Variants in GCN1 observed in about 807,000 individuals in gnomAD.
GCN1 encodes GCN1 activator of EIF2AK4.
In GCN1, 90 loss-of-function variants were observed where a neutral mutation model predicts 288.4. The ratio of observed to expected loss-of-function variants is 0.31; its 90% CI spans 0.26 to 0.37. The LOEUF (loss-of-function observed/expected upper bound fraction) is 0.37. Among genes scored for constraint, GCN1 ranks in the 10% least tolerant of loss-of-function variants. GCN1 has a pLI of 1.00. For synonymous variants in GCN1, 1,386 were observed against 1,420.2 expected (o/e 0.98, Z 0.54); for missense variants, 2,586 against 3,419.9 (o/e 0.76, Z 6.08).
At chr12:120,138,287 G>A (rs201382849) in intron 47 of GCN1, 36 bp downstream of exon 47, 241 of 1,306,196 alleles carry the variant, frequency 1.8e-4, no homozygotes, top group Middle Eastern at 1.8e-4. Flanking sequence ...TCAATGCCCT[G>A]GAGCCAGAGG....
chr12:120,144,634 C>T lies in GCN1; in HGVS notation c.5352+5G>A, dbSNP rs1877304099. ...CTCTACCCTTGCCAAGGTCATGGTA[C>T]CTACTTTGAGGATACAGGGGATGAT... On this transcript the variant is annotated splice_donor_5th_base_variant and intron_variant, in intron 41 of 57. Transcript: ENST00000300648. This position sits in a 1 kb window ranked among gnomAD's most constrained non-coding sequence, Gnocchi z 4.7. The T allele has an allele frequency of 6.2e-7, 1 of 1,612,076 alleles. No homozygotes were observed. The highest frequency in any genetic ancestry group is 8.5e-7 in the Non-Finnish European group (1 of 1,178,264).
chr12:120,170,990 T>C (rs1204576397), intron 14 of GCN1, among the ~76,000 whole-genome samples: 1 of 151,146 alleles, frequency 6.6e-6, no homozygotes, highest in Non-Finnish European at 1.5e-5. Context: ...TGAAACCCTG[T>C]CTTAGCCGGG....
At chr12:120,193,061 A>T (rs1879057912) in intron 1 of GCN1, among the ~76,000 whole-genome samples, 1 of 144,950 alleles carries the variant, frequency 6.9e-6, no homozygotes, top group Admixed American at 6.9e-5. Context: ...AATAATAAAA[A>T]ATAATTTCAG....
At chr12:120,136,822 C>G in intron 50 of GCN1, 90 bp from the exon 51 acceptor site, 7 of 820,146 alleles carry the variant, frequency 8.5e-6, no homozygotes, top group Non-Finnish European at 1.4e-5. Context: ...GACAGCTGTC[C>G]TCCCCTCAAC....
intron 7 of GCN1, 77 bp downstream of exon 7, chr12:120,178,548 T>G: frequency 6.8e-7 from 1 of 1,460,432 alleles, no homozygotes; most frequent in Non-Finnish European, 9.6e-7. Context: ...GCAAAGCAGG[T>G]TCCCATTCCT....
In GCN1 at chr12:120,177,747, G is replaced by A. The variant is rs1204540469; in HGVS notation, c.666C>T (p.Ala222=). Residue 222 remains alanine (A), a synonymous_variant, in exon 8 of 58, where the codon GCC becomes GCT. Transcript: ENST00000300648. The stretch of plus-strand genomic sequence containing the variant: ...TGTTCTTCATGTAAAAGTCCAGTAG[G>A]GCGCTCTAGAGAACACAAAGCTCTG... The part of the protein sequence containing the change: ...EMDVVSQHKS[A]LLDFYMKNIL... 3 of 1,610,868 alleles carry A rather than the reference G, an allele frequency of 1.9e-6. No homozygotes were observed. The highest frequency in any genetic ancestry group is 2.2e-5 in the East Asian group (1 of 44,866).
At position 120,153,522 on chromosome 12, in the gene GCN1, A is replaced by C. The variant is rs571324120; in HGVS notation, c.3868-115T>G. The C allele has an allele frequency of 1.0e-6, 1 of 997,926 alleles. No homozygotes were observed. Among genetic ancestry groups the C allele is most frequent in the Non-Finnish European group, 1.5e-6 (1 of 680,500 alleles). The allele number at this position is 997,926 out of a possible 1,614,324, so 61.8% of individuals were successfully genotyped here. Reference sequence around the variant, plus strand: ...CTAGCTCTGGGACAGGCATCCTGACATGCCAGCCAGTGGCTCTTCCAGTTT... The same window carrying C: ...CTAGCTCTGGGACAGGCATCCTGACCTGCCAGCCAGTGGCTCTTCCAGTTT... On this transcript the variant is annotated intron_variant, in intron 32 of 57. Transcript: ENST00000300648. This position sits in a 1 kb window ranked among gnomAD's most constrained non-coding sequence, Gnocchi z 4.4.
At chr12:120,128,737 G>A (rs1479183816) in intron 57 of GCN1, among the ~76,000 whole-genome samples, 1 of 151,974 alleles carries the variant, frequency 6.6e-6, no homozygotes, top group Non-Finnish European at 1.5e-5. Flanking sequence ...GTCTGTTTGG[G>A]TGTCATGTGA....
rs1028841855 is a variant in GCN1, at chr12:120,194,483, C to A, written c.18+197G>T. 3.3e-5 allele frequency among the ~76,000 whole-genome samples: 5 copies of A among 152,358 alleles called. No homozygotes were observed. In the East Asian group the frequency reaches 9.7e-4, roughly 29 times the overall value. On this transcript the variant is annotated intron_variant, in intron 1 of 57. Transcript: ENST00000300648. Reference sequence around the variant, plus strand: ...AGGCGGGAGCCCCGGACTCCTCGAGCCCGCGGTCTGCCTGCGCCGCCCGGG... The same window carrying A: ...AGGCGGGAGCCCCGGACTCCTCGAGACCGCGGTCTGCCTGCGCCGCCCGGG...
chr12:120,166,416 A>C (rs925102795), intron 16 of GCN1, among the ~76,000 whole-genome samples: 2 of 148,264 alleles, frequency 1.3e-5, no homozygotes, highest in Admixed American at 1.4e-4. Flanking sequence ...AAAAAAAAAA[A>C]AAAAAATGCC....
At chr12:120,130,783 G>A (rs1876791278) in intron 55 of GCN1, 30 bp from the exon 56 acceptor site, 1 of 1,437,748 alleles carries the variant, frequency 7.0e-7, no homozygotes, top group Non-Finnish European at 9.8e-7. Context: ...CTAGACGGGA[G>A]GCCCCCCACC....
chr12:120,146,047 A>G (rs970807829), intron 38 of GCN1, among the ~76,000 whole-genome samples: 2 of 152,102 alleles, frequency 1.3e-5, no homozygotes, highest in Admixed American at 1.3e-4. Flanking sequence ...CGGGTGGATC[A>G]CCTGAGGTCA....
At chr12:120,164,766 G>C (rs1324237997) in intron 16 of GCN1, 45 bp from the exon 17 acceptor site, 6 of 1,264,612 alleles carry the variant, frequency 4.7e-6, no homozygotes, top group Non-Finnish European at 5.8e-6. Flanking sequence ...AAATAGTTAA[G>C]TGTACACATA....
chr12:120,129,371 CAAG>C lies in GCN1; in HGVS notation c.7792_7794del (p.Leu2598del). 1 of 1,614,094 alleles carries C rather than the reference CAAG, an allele frequency of 6.2e-7. No individual in the cohort carries two copies. Among genetic ancestry groups the C allele is most frequent in the Non-Finnish European group, 8.5e-7 (1 of 1,180,002 alleles). ...ACGGTGTTCTTATCCTTGGTGTTGT[CAAG>C]AAGAGCCTTCAGGATGGGCTTGATG... On this transcript the variant is annotated inframe_deletion, in exon 57 of 58. Coordinates refer to ENST00000300648, the MANE Select transcript of GCN1 (RefSeq NM_006836.2).
chr12:120,130,020 C>T (rs1163623261), intron 56 of GCN1, among the ~76,000 whole-genome samples: 1 of 152,176 alleles, frequency 6.6e-6, no homozygotes, highest in African/African-American at 2.4e-5. Flanking sequence ...CGTGGGTTCC[C>T]GGTGCTGCGG....
chr12:120,148,623 A>G (rs1044261059), intron 36 of GCN1, among the ~76,000 whole-genome samples: 5 of 152,196 alleles, frequency 3.3e-5, no homozygotes, highest in African/African-American at 9.7e-5. Flanking sequence ...GTGAGATCCA[A>G]GGCCAATTCA....
Position 120,155,096 on chromosome 12 carries a change from C to A in GCN1, c.3631-56G>T. The A allele has an allele frequency of 6.4e-7, 1 of 1,551,976 alleles. No homozygotes were observed. On this transcript the variant is annotated intron_variant, in intron 30 of 57. Coordinates refer to ENST00000300648, the MANE Select transcript of GCN1 (RefSeq NM_006836.2). The surrounding 1 kb of genome is among the most constrained non-coding windows in gnomAD (Gnocchi z 4.9). ...AACGGGCAGATCAATGACCTGGGCA[C>A]CAGGATTGTGAGGCAGGAAACTAGC...
Position 120,162,056 on chromosome 12 carries a change from G to A in GCN1, c.2166C>T (p.Ser722=). The change falls in exon 21 of 58, where the codon TCC becomes TCT. Residue 722 remains serine, a splice_region_variant and synonymous_variant. Coordinates refer to ENST00000300648, the MANE Select transcript of GCN1 (RefSeq NM_006836.2). The part of the protein sequence containing the change: ...RMTTQSPLNQ[S]SMNAMGSLSV... ...AAAGGGAGCCCATGGCATTCATGGA[G>A]GACTGCCAGACAAACGCAGACATGG... 1 of 1,612,054 alleles carries A rather than the reference G, an allele frequency of 6.2e-7. No homozygotes were observed. The highest frequency in any genetic ancestry group is 8.5e-7 in the Non-Finnish European group (1 of 1,179,870).
At chr12:120,138,466 CA>C in intron 46 of GCN1, 51 bp from the exon 47 acceptor site, 1 of 1,189,186 alleles carries the variant, frequency 8.4e-7, no homozygotes, top group East Asian at 2.3e-5. Context: ...TCTGCTGTCT[CA>C]ACCAGCCACC....
Sources: allele counts gnomAD v4.1 joint callset (sites outside exome capture counted in the v4.1 genomes callset), GRCh38; gene constraint gnomAD v4.1.1; non-coding constraint Gnocchi (gnomAD v3.1); transcripts MANE v1.5; gene names NCBI Gene and HGNC (gene_info 2026-07-23, HGNC 2026-07-21).